JAKMIP3: variants seen among roughly 807,000 people sequenced by gnomAD.
The protein encoded by JAKMIP3 is janus kinase and microtubule-interacting protein 3.
JAKMIP3 carries 58 observed loss-of-function variants against 118.5 expected under a neutral mutation model. The observed-to-expected ratio is 0.49, with a 90% CI of 0.40 to 0.61. JAKMIP3 has a LOEUF of 0.61. Among genes scored for constraint, JAKMIP3 ranks in the 20% least tolerant of loss-of-function variants. The pLI is 0.00. For synonymous variants in JAKMIP3, 486 were observed against 451.2 expected, an observed-to-expected ratio of 1.08 and a Z score of -0.98; for missense variants, 950 against 1,109.0, an observed-to-expected ratio of 0.86 and a Z score of 2.04.
chr10:132,067,241 C>A (rs1049873577), intron 1 of JAKMIP3, among the ~76,000 whole-genome samples: 1 of 147,994 alleles, frequency 6.8e-6, no homozygotes, highest in East Asian at 2.0e-4. Context: ...AGACAAGACG[C>A]CTGGCACATT....
intron 2 of JAKMIP3, among the ~76,000 whole-genome samples, chr10:132,114,977 A>T (rs1417796568): frequency 1.3e-5 from 2 of 152,202 alleles, no homozygotes; most frequent in Non-Finnish European, 2.9e-5. Flanking sequence ...TTCTTCATTC[A>T]ACCAATGTAA....
chr10:132,045,329 C>T (rs901730123), intron 1 of JAKMIP3, among the ~76,000 whole-genome samples: 2 of 152,136 alleles, frequency 1.3e-5, no homozygotes, highest in Admixed American at 6.5e-5. Context: ...CTCCCTTCTT[C>T]CTGATGTGAT....
intron 2 of JAKMIP3, among the ~76,000 whole-genome samples, chr10:132,115,207 CTAGGGGT>C (rs1564915019): frequency 7.2e-5 from 7 of 97,174 alleles, no homozygotes; most frequent in African/African-American, 3.7e-4. Context: ...GCGATCGCGG[CTAGGGGT>C]CACCCTGCCG....
At chr10:132,163,007 T>G (rs1351774057) in intron 19 of JAKMIP3, among the ~76,000 whole-genome samples, 1 of 152,238 alleles carries the variant, frequency 6.6e-6, no homozygotes, top group Non-Finnish European at 1.5e-5. Flanking sequence ...TCAGCGTCTC[T>G]GCTTCTAGGG....
chr10:132,150,814 A>T lies in JAKMIP3; in HGVS notation c.2007+773A>T, dbSNP rs138522719. ...TTCATTTATCCATCCTCCATAATCC[A>T]TCTATCTGTCCTCCACAATTCATTT... On this transcript the variant is annotated intron_variant, in intron 16 of 23. Coordinates refer to ENST00000684848, the MANE Select transcript of JAKMIP3 (RefSeq NM_001323087.2). Among the ~76,000 whole-genome samples the T allele has an allele frequency of 6.4e-4, 95 of 147,698 alleles. No homozygotes were observed. In the East Asian group the frequency reaches 0.012, roughly 18 times the overall value.
rs570328194 is a variant in JAKMIP3, at chr10:132,179,861, G to A, written c.*1104-2496G>A. Among the ~76,000 whole-genome samples the A allele has an allele frequency of 5.3e-5, 8 of 152,302 alleles. No homozygotes were observed. The South Asian group carries it at 1.4e-3, about 28-fold the overall frequency. Reference sequence around the variant, plus strand: ...AGGGAAGAGTTCACAGGCACAGCCTGGAGAGGCCTGTGAGCAGACTTCCTG... The same window carrying A: ...AGGGAAGAGTTCACAGGCACAGCCTAGAGAGGCCTGTGAGCAGACTTCCTG... On this transcript the variant is annotated intron_variant, in intron 23 of 23. Coordinates refer to ENST00000684848, the MANE Select transcript of JAKMIP3 (RefSeq NM_001323087.2). This position sits in a 1 kb window ranked among gnomAD's most constrained non-coding sequence, Gnocchi z 4.3.
At chr10:132,111,731 T>A (rs1404270614) in intron 2 of JAKMIP3, among the ~76,000 whole-genome samples, 1 of 152,166 alleles carries the variant, frequency 6.6e-6, no homozygotes, top group Non-Finnish European at 1.5e-5. Context: ...CTGGGAGCCT[T>A]AAAGCTGGAC....
intron 1 of JAKMIP3, 44 bp from the exon 2 acceptor site, chr10:132,104,628 G>A (rs898229789): frequency 1.6e-5 from 10 of 637,434 alleles, no homozygotes; most frequent in South Asian, 4.0e-5. Context: ...TCCAGGCCAC[G>A]GCTCCGGAGG....
intron 23 of JAKMIP3, among the ~76,000 whole-genome samples, chr10:132,180,243 C>G (rs1319162164): frequency 6.6e-6 from 1 of 152,168 alleles, no homozygotes; most frequent in Non-Finnish European, 1.5e-5. Flanking sequence ...TCCACAGAGA[C>G]ACTCTTGAGT....
chr10:132,052,532 A>G (rs189857650), intron 1 of JAKMIP3, among the ~76,000 whole-genome samples: 1 of 152,228 alleles, frequency 6.6e-6, no homozygotes, highest in Non-Finnish European at 1.5e-5. Flanking sequence ...AGACCTACTC[A>G]TTCTATCTTT....
intron 23 of JAKMIP3, among the ~76,000 whole-genome samples, chr10:132,180,302 T>C (rs2637657): frequency 0.1 from 15,634 of 151,844 alleles, 851 homozygotes; most frequent in Middle Eastern, 0.14. Context: ...AGGAGCCCCA[T>C]GGAGCCACAG....
rs768948020 is a variant in JAKMIP3, at chr10:132,141,965, A to G, written c.1519A>G (p.Met507Val). 9.4e-6 allele frequency: 15 copies of G among 1,599,542 alleles called. No individual in the cohort carries two copies. Among genetic ancestry groups the G allele is most frequent in the East Asian group, 2.3e-5 (1 of 44,264 alleles). The change falls in exon 11 of 24, where the codon ATG (methionine) becomes GTG (valine). Residue 507 changes from methionine to valine, a missense_variant. Transcript: ENST00000684848. Reference protein sequence around the residue: ...ETELRFRQLTMEYQALQRAYA... With the variant: ...ETELRFRQLTVEYQALQRAYA... Reference sequence around the variant, plus strand: ...GGAGCTGAGGTTCCGGCAGCTGACCATGGAGTACCAGGCCCTGCAGCGTGC... The same window carrying G: ...GGAGCTGAGGTTCCGGCAGCTGACCGTGGAGTACCAGGCCCTGCAGCGTGC...
chr10:132,064,356 G>A (rs1340475268), upstream of JAKMIP3, among the ~76,000 whole-genome samples: 1 of 152,198 alleles, frequency 6.6e-6, no homozygotes, highest in African/African-American at 2.4e-5. This position sits in a 1 kb window ranked among gnomAD's most constrained non-coding sequence, Gnocchi z 4.4. Context: ...TGGGCTGAGG[G>A]GGCACTGCCC....
intron 1 of JAKMIP3, among the ~76,000 whole-genome samples, chr10:132,047,851 C>T (rs557150848): frequency 8.9e-4 from 129 of 144,724 alleles, no homozygotes; most frequent in African/African-American, 3.2e-3. Context: ...TTTCAGTGCA[C>T]AGAACTGTGT....
At chr10:132,054,972 G>T (rs981011271) in intron 1 of JAKMIP3, among the ~76,000 whole-genome samples, 1 of 151,610 alleles carries the variant, frequency 6.6e-6, no homozygotes, top group African/African-American at 2.4e-5. Context: ...CTCCTACACC[G>T]AGGACCCTCC....
At chr10:132,154,063 A>G in intron 19 of JAKMIP3, 73 bp downstream of exon 19, 2 of 1,403,418 alleles carry the variant, frequency 1.4e-6, no homozygotes, top group Non-Finnish European at 2.0e-6. Flanking sequence ...TCAGGTGCCC[A>G]GCAGTGCCTC....
chr10:132,138,048 C>A, intron 8 of JAKMIP3, 71 bp from the exon 9 acceptor site: 1 of 1,380,032 alleles, frequency 7.2e-7, no homozygotes, highest in Non-Finnish European at 1.0e-6. Context: ...GGCACACGGG[C>A]AGTAAACCGT....
chr10:132,172,124 G>A (rs2059549447), intron 23 of JAKMIP3, among the ~76,000 whole-genome samples: 1 of 152,096 alleles, frequency 6.6e-6, no homozygotes, highest in South Asian at 2.1e-4. Flanking sequence ...CACTTTTTTA[G>A]TTCTTCCTCG....
intron 23 of JAKMIP3, among the ~76,000 whole-genome samples, chr10:132,180,744 TGCGC>T (rs144225577): frequency 0.062 from 1,354 of 21,888 alleles, 270 homozygotes; most frequent in East Asian, 0.17. Context: ...TGTGCGTGCG[TGCGC>T]GCGCGTGTGT....
Sources: allele counts gnomAD v4.1 joint callset (sites outside exome capture counted in the v4.1 genomes callset), GRCh38; gene constraint gnomAD v4.1.1; non-coding constraint Gnocchi (gnomAD v3.1); transcripts MANE v1.5; gene names NCBI Gene and HGNC (gene_info 2026-07-23, HGNC 2026-07-21).